SPAG16: variants seen among roughly 807,000 people sequenced by gnomAD.
SPAG16 encodes the protein sperm-associated antigen 16 protein.
SPAG16 carries 86 observed loss-of-function variants against 80.4 expected under a neutral mutation model. That is an observed-to-expected ratio of 1.07 (90% confidence interval 0.90 to 1.28). The LOEUF is 1.28. Ranked by LOEUF, SPAG16 falls within the 50% of genes most tolerant of loss-of-function variation. SPAG16 has a pLI of 0.00. For missense variants in SPAG16, 870 were observed against 765.3 expected, an observed-to-expected ratio of 1.14 and a Z score of -1.61; for synonymous variants, 294 against 265.9, an observed-to-expected ratio of 1.11 and a Z score of -1.03.
intron 15 of SPAG16, among the ~76,000 whole-genome samples, chr2:214,295,986 A>C (rs1307043119): frequency 6.6e-6 from 1 of 152,166 alleles, no homozygotes; most frequent in Non-Finnish European, 1.5e-5. Context: ...GGTTTCTAGT[A>C]TACCAATCAC....
At chr2:214,373,117 C>T (rs1474911818) in intron 15 of SPAG16, among the ~76,000 whole-genome samples, 1 of 152,026 alleles carries the variant, frequency 6.6e-6, no homozygotes, top group Non-Finnish European at 1.5e-5. Flanking sequence ...GTTAAATATG[C>T]CTCCAGACTG....
intron 12 of SPAG16, among the ~76,000 whole-genome samples, chr2:213,948,414 T>A (rs2079564807): frequency 6.6e-6 from 1 of 152,226 alleles, no homozygotes; most frequent in African/African-American, 2.4e-5. Flanking sequence ...GATGCTACTC[T>A]ATTTGCTCGT....
intron 10 of SPAG16, among the ~76,000 whole-genome samples, chr2:213,710,622 T>C (rs960709924): frequency 2.6e-5 from 4 of 152,210 alleles, no homozygotes; most frequent in Non-Finnish European, 5.9e-5. Flanking sequence ...CATAATTCTC[T>C]CAACACACTT....
At chr2:213,394,357 T>A (rs1322607154) in intron 9 of SPAG16, among the ~76,000 whole-genome samples, 1 of 152,188 alleles carries the variant, frequency 6.6e-6, no homozygotes, top group Non-Finnish European at 1.5e-5. Context: ...GTCTCTGTAA[T>A]TTCTTAAAAC....
In SPAG16 at chr2:213,715,266, A is replaced by ATCTATCTATCTATCTATCTATCTG. The variant is rs3076744; in HGVS notation, c.1071-147217_1071-147216insTATCTATCTATCTATCTATCTGTC. ...TATCTATCTATCTATCTATCTATCTATCCATTCATCCATCTAAGACAGAGT... is the reference window on the plus strand; with the variant it reads ...TATCTATCTATCTATCTATCTATCTATCTATCTATCTATCTATCTATCTGTCCATTCATCCATCTAAGACAGAGT... On this transcript the variant is annotated intron_variant, in intron 10 of 15. Transcript: ENST00000331683. Among the ~76,000 whole-genome samples the ATCTATCTATCTATCTATCTATCTG allele has an allele frequency of 5.8e-3, 875 of 151,052 alleles. 10 individuals are homozygous for ATCTATCTATCTATCTATCTATCTG. The highest frequency in any genetic ancestry group is 8.0e-3 in the East Asian group (41 of 5,132).
At chr2:213,286,905 A>G (rs1478144373) in intron 1 of SPAG16, among the ~76,000 whole-genome samples, 1 of 152,212 alleles carries the variant, frequency 6.6e-6, no homozygotes, top group Non-Finnish European at 1.5e-5. Context: ...GACATTAATG[A>G]AGGTCCCATG....
chr2:214,231,256 G>C (rs765754787), intron 15 of SPAG16, among the ~76,000 whole-genome samples: 6 of 151,988 alleles, frequency 3.9e-5, no homozygotes, highest in Admixed American at 2.0e-4. Context: ...TAGAAAGGTA[G>C]ACAAGTCAAT....
chr2:214,337,697 T>C (rs1576816193), intron 15 of SPAG16, among the ~76,000 whole-genome samples: 1 of 152,254 alleles, frequency 6.6e-6, no homozygotes, highest in East Asian at 1.9e-4. Flanking sequence ...TGAGAGCCAA[T>C]TGTGACATCC....
intron 14 of SPAG16, among the ~76,000 whole-genome samples, chr2:214,140,143 T>C (rs1210037000): frequency 6.6e-6 from 1 of 152,124 alleles, no homozygotes; most frequent in East Asian, 1.9e-4. Context: ...CAGCATGTGG[T>C]TACTCTCATG....
chr2:213,410,571 T>C (rs1462902262), intron 9 of SPAG16, among the ~76,000 whole-genome samples: 1 of 152,204 alleles, frequency 6.6e-6, no homozygotes, highest in Non-Finnish European at 1.5e-5. Flanking sequence ...AAAAACCAAC[T>C]GGTTTTTGTA....
intron 10 of SPAG16, among the ~76,000 whole-genome samples, chr2:213,780,864 C>G (rs560769167): frequency 6.6e-6 from 1 of 152,014 alleles, no homozygotes; most frequent in Non-Finnish European, 1.5e-5. Flanking sequence ...ATAGCACACA[C>G]ATAATAATAA....
At chr2:214,261,663 T>A (rs1200542873) in intron 15 of SPAG16, among the ~76,000 whole-genome samples, 1 of 152,232 alleles carries the variant, frequency 6.6e-6, no homozygotes, top group African/African-American at 2.4e-5. Context: ...AATATGTATT[T>A]TAACAGAGTA....
Position 213,815,787 on chromosome 2 carries a change from G to A in SPAG16, c.1071-46698G>A, listed in dbSNP as rs556203131. On this transcript the variant is annotated intron_variant, in intron 10 of 15. Coordinates refer to ENST00000331683, the MANE Select transcript of SPAG16 (RefSeq NM_024532.5). ...GTTCATTAATTTTTACTTATTATAC[G>A]TATAACAATTATTTATAATTTGGTT... 7.9e-5 allele frequency among the ~76,000 whole-genome samples: 12 copies of A among 151,802 alleles called. No individual in the cohort carries two copies. The South Asian group carries it at 1.0e-3, about 13-fold the overall frequency.
At chr2:214,337,209 T>C (rs1263961043) in intron 15 of SPAG16, among the ~76,000 whole-genome samples, 1 of 151,974 alleles carries the variant, frequency 6.6e-6, no homozygotes, top group Non-Finnish European at 1.5e-5. Flanking sequence ...TCACTGGAAA[T>C]GGGTAAAAGA....
intron 5 of SPAG16, among the ~76,000 whole-genome samples, chr2:213,338,274 A>G (rs1353363523): frequency 1.3e-5 from 2 of 152,238 alleles, no homozygotes; most frequent in African/African-American, 4.8e-5. Flanking sequence ...ACTGAAGTAC[A>G]CAGACCAGTG....
intron 15 of SPAG16, among the ~76,000 whole-genome samples, chr2:214,184,053 A>G (rs1300245168): frequency 1.3e-5 from 2 of 152,080 alleles, no homozygotes; most frequent in Non-Finnish European, 2.9e-5. Flanking sequence ...TTCAATTTAT[A>G]TACTTATCAT....
intron 13 of SPAG16, among the ~76,000 whole-genome samples, chr2:214,015,014 G>T (rs1233367609): frequency 6.6e-6 from 1 of 152,174 alleles, no homozygotes; most frequent in Non-Finnish European, 1.5e-5. Flanking sequence ...TATTTCATAA[G>T]CTTGAGGAGG....
At chr2:214,360,067 C>T (rs569223496) in intron 15 of SPAG16, among the ~76,000 whole-genome samples, 1 of 151,956 alleles carries the variant, frequency 6.6e-6, no homozygotes, top group Admixed American at 6.6e-5. Context: ...GCAATTTTCC[C>T]TACCACCTTC....
intron 10 of SPAG16, among the ~76,000 whole-genome samples, chr2:213,665,536 GA>G (rs1460304245): frequency 6.6e-6 from 1 of 152,136 alleles, no homozygotes; most frequent in East Asian, 1.9e-4. Flanking sequence ...AGATTGTTCA[GA>G]TGGTAGAGTT....
Sources: gnomAD v4.1 joint callset for allele counts (sites outside exome capture counted in the v4.1 genomes callset) on GRCh38, gnomAD v4.1.1 for gene constraint, MANE v1.5 for transcripts, NCBI Gene and HGNC (gene_info 2026-07-23, HGNC 2026-07-21) for gene names.